Variants in EPB41L2 observed in about 807,000 individuals in gnomAD.
EPB41L2 encodes the protein band 4.1-like protein 2.
In EPB41L2, 43 loss-of-function variants were observed where a neutral mutation model predicts 113.0. That is an observed-to-expected ratio of 0.38 (90% confidence interval 0.30 to 0.49). The LOEUF (loss-of-function observed/expected upper bound fraction) is 0.49. Ranked by LOEUF, EPB41L2 falls within the 20% of genes least tolerant of loss-of-function variation. The pLI is 0.95. For synonymous variants in EPB41L2, 442 were observed against 436.7 expected, an observed-to-expected ratio of 1.01 and a Z score of -0.15; for missense variants, 1,147 against 1,223.4, an observed-to-expected ratio of 0.94 and a Z score of 0.93.
intron 3 of EPB41L2, among the ~76,000 whole-genome samples, chr6:130,953,765 T>C (rs1210074053): frequency 6.6e-6 from 1 of 151,944 alleles, no homozygotes; most frequent in African/African-American, 2.4e-5. Flanking sequence ...TGAAGGGAGC[T>C]GCCTTGTCCT....
chr6:130,987,733 ATG>A lies in EPB41L2; in HGVS notation c.-14-31236_-14-31235del, dbSNP rs1780906874. On this transcript the variant is annotated intron_variant, in intron 1 of 19. Transcript: ENST00000337057. ...AATGAATGAATGAATGAATGAATGA[ATG>A]TTGTTCTGAGAAGAAAAATTTAGGA... Among the ~76,000 whole-genome samples the A allele has an allele frequency of 2.1e-5, 3 of 140,700 alleles. No homozygotes were observed. In the South Asian group the frequency reaches 6.9e-4, roughly 32 times the overall value. The allele number at this position is 140,700 out of a possible 152,430, so 92.3% of individuals were successfully genotyped here.
intron 1 of EPB41L2, among the ~76,000 whole-genome samples, chr6:131,058,606 T>A (rs2128207482): frequency 1.3e-5 from 2 of 152,352 alleles, no homozygotes; most frequent in Middle Eastern, 3.4e-3. Flanking sequence ...CAAATATTTA[T>A]TAAATACAAT....
intron 3 of EPB41L2, among the ~76,000 whole-genome samples, chr6:130,937,821 G>GAAAAAAAAA (rs66505919): frequency 0.061 from 7,882 of 129,034 alleles, 328 homozygotes; most frequent in African/African-American, 0.12. Flanking sequence ...ATCTCAAAAA[G>GAAAAAAAAA]AAAAAAAAAA....
chr6:130,901,810 G>A (rs1222185823), intron 6 of EPB41L2, among the ~76,000 whole-genome samples: 3 of 152,130 alleles, frequency 2.0e-5, no homozygotes, highest in South Asian at 4.1e-4. Flanking sequence ...CCTATAAGAC[G>A]CTAAGAACTC....
intron 3 of EPB41L2, among the ~76,000 whole-genome samples, chr6:130,940,209 C>T (rs996038481): frequency 6.6e-6 from 1 of 152,100 alleles, no homozygotes; most frequent in Non-Finnish European, 1.5e-5. Context: ...ATGAAGATTC[C>T]TAGTTAATGC....
chr6:131,052,725 G>C (rs980253174), intron 1 of EPB41L2, among the ~76,000 whole-genome samples: 1 of 152,130 alleles, frequency 6.6e-6, no homozygotes, highest in Non-Finnish European at 1.5e-5. Flanking sequence ...AAGCTAACTA[G>C]AGGTAGAAAG....
At chr6:130,980,779 T>G (rs181753727) in intron 1 of EPB41L2, among the ~76,000 whole-genome samples, 3 of 152,134 alleles carry the variant, frequency 2.0e-5, no homozygotes, top group Non-Finnish European at 4.4e-5. Flanking sequence ...GGGGTAGGCA[T>G]GATAAGGAAG....
chr6:131,058,888 C>A (rs1010882304), intron 1 of EPB41L2, among the ~76,000 whole-genome samples: 1 of 152,058 alleles, frequency 6.6e-6, no homozygotes, highest in Non-Finnish European at 1.5e-5. Flanking sequence ...TGGTGGCACA[C>A]GCCTGTAATT....
chr6:130,857,201 A>G (rs955567506), intron 19 of EPB41L2, among the ~76,000 whole-genome samples: 1 of 152,208 alleles, frequency 6.6e-6, no homozygotes, highest in African/African-American at 2.4e-5. Context: ...TATTAAAAAC[A>G]TAAGTTTTGC....
intron 1 of EPB41L2, among the ~76,000 whole-genome samples, chr6:130,985,298 G>T (rs530160479): frequency 6.6e-6 from 1 of 152,134 alleles, no homozygotes; most frequent in Non-Finnish European, 1.5e-5. Flanking sequence ...CCACATTTGG[G>T]GGGGGACTTT....
At chr6:131,012,434 T>C (rs1787248136) in intron 1 of EPB41L2, among the ~76,000 whole-genome samples, 1 of 145,620 alleles carries the variant, frequency 6.9e-6, no homozygotes, top group African/African-American at 2.6e-5. Context: ...CTAGCACACC[T>C]TCAAGTTGTG....
At chr6:130,869,441 G>C (rs1582883584) in intron 15 of EPB41L2, 122 bp downstream of exon 15, 1 of 930,510 alleles carries the variant, frequency 1.1e-6, no homozygotes, top group East Asian at 2.6e-5. Flanking sequence ...TCCCATGAGA[G>C]AGAAAAATCA....
At position 130,869,624 on chromosome 6, in the gene EPB41L2, A is replaced by G; in HGVS notation, c.2546T>C (p.Val849Ala). The G allele has an allele frequency of 6.2e-7, 1 of 1,614,122 alleles. No homozygotes were observed. The change falls in exon 15 of 20, where the codon GTT (valine) becomes GCT (alanine). Residue 849 changes from valine (V) to alanine (A), a missense_variant. Physicochemically the swap from Val to Ala is moderately conservative, Grantham distance 64. Transcript: ENST00000337057. ...GTCAACATGGGACACCTCTCCGTTA[A>G]CTTTCTGTGGCTCTTCCTCTGCTTC... ...GEEAEEEPQK[V>A]NGEVSHVDID...
chr6:131,035,461 C>T (rs756054181), intron 1 of EPB41L2, among the ~76,000 whole-genome samples: 3 of 152,170 alleles, frequency 2.0e-5, no homozygotes, highest in Non-Finnish European at 2.9e-5. Context: ...CCTTCCCTGA[C>T]ATACACCAAC....
At chr6:131,026,520 C>T (rs1203123293) in intron 1 of EPB41L2, among the ~76,000 whole-genome samples, 2 of 152,160 alleles carry the variant, frequency 1.3e-5, no homozygotes, top group Non-Finnish European at 2.9e-5. Context: ...ATTAACAAGA[C>T]GCTGACAAGA....
At chr6:130,970,963 T>C (rs1027827096) in intron 1 of EPB41L2, among the ~76,000 whole-genome samples, 11 of 152,216 alleles carry the variant, frequency 7.2e-5, no homozygotes, top group African/African-American at 2.7e-4. Context: ...CATGGCTCAC[T>C]GCAGCCTCGA....
intron 1 of EPB41L2, among the ~76,000 whole-genome samples, chr6:131,037,019 C>A (rs1584699381): frequency 6.6e-6 from 1 of 152,298 alleles, no homozygotes; most frequent in South Asian, 2.1e-4. Flanking sequence ...AAGAATCTGT[C>A]TCAAATTCAA....
chr6:130,897,018 A>G (rs539338801), intron 8 of EPB41L2, among the ~76,000 whole-genome samples: 2 of 152,008 alleles, frequency 1.3e-5, no homozygotes, highest in Non-Finnish European at 2.9e-5. Context: ...CTCCACACAT[A>G]TCTCTCCTTG....
At chr6:130,847,736 G>C (rs1431326626) in intron 19 of EPB41L2, among the ~76,000 whole-genome samples, 2 of 152,102 alleles carry the variant, frequency 1.3e-5, no homozygotes, top group African/African-American at 4.8e-5. Flanking sequence ...CACTGAAGCC[G>C]TAACACAAGT....
Sources: gnomAD v4.1 joint callset for allele counts (sites outside exome capture counted in the v4.1 genomes callset) on GRCh38, gnomAD v4.1.1 for gene constraint, MANE v1.5 for transcripts, NCBI Gene and HGNC (gene_info 2026-07-23, HGNC 2026-07-21) for gene names.